The following GALNTL6 variants were observed in gnomAD, a reference collection of about 807,000 sequenced individuals.
GALNTL6 encodes the protein polypeptide N-acetylgalactosaminyltransferase-like 6.
GALNTL6 carries 46 observed loss-of-function variants against 73.7 expected under a neutral mutation model. The observed-to-expected ratio is 0.62, with a 90% confidence interval of 0.49 to 0.80. The LOEUF (loss-of-function observed/expected upper bound fraction) is 0.80. GALNTL6 is among the 30% of genes least tolerant of loss of function. GALNTL6 has a pLI of 0.00. For missense variants in GALNTL6, 604 were observed against 755.0 expected (o/e 0.80, Z 2.34); for synonymous variants, 259 against 263.7 (o/e 0.98, Z 0.17).
chr4:172,893,322 T>C (rs1208838933), intron 8 of GALNTL6, among the ~76,000 whole-genome samples: 2 of 149,882 alleles, frequency 1.3e-5, no homozygotes, highest in Non-Finnish European at 3.0e-5. Context: ...TGTGTATCAC[T>C]CTTCTAAGTG....
At chr4:172,328,668 C>T (rs1339482467) in intron 4 of GALNTL6, among the ~76,000 whole-genome samples, 1 of 152,104 alleles carries the variant, frequency 6.6e-6, no homozygotes, top group Admixed American at 6.6e-5. Flanking sequence ...CATTCCTCAG[C>T]CTGGTTTATT....
intron 3 of GALNTL6, among the ~76,000 whole-genome samples, chr4:172,293,551 T>C (rs1483291241): frequency 1.3e-5 from 2 of 152,086 alleles, no homozygotes; most frequent in Non-Finnish European, 2.9e-5. Flanking sequence ...CTAGAACTAA[T>C]GAGAATGAGC....
chr4:172,370,212 T>A (rs187912461), intron 5 of GALNTL6, among the ~76,000 whole-genome samples: 1 of 152,218 alleles, frequency 6.6e-6, no homozygotes, highest in East Asian at 1.9e-4. Context: ...AGTTGTTAGT[T>A]GGGCTCATTT....
intron 5 of GALNTL6, among the ~76,000 whole-genome samples, chr4:172,699,068 A>G (rs1733861678): frequency 6.6e-6 from 1 of 152,164 alleles, no homozygotes; most frequent in Admixed American, 6.6e-5. Flanking sequence ...TCTGGTTCAT[A>G]GAAAGAGCCT....
intron 5 of GALNTL6, among the ~76,000 whole-genome samples, chr4:172,495,116 G>A (rs1734027152): frequency 6.6e-6 from 1 of 152,180 alleles, no homozygotes; most frequent in South Asian, 2.1e-4. Flanking sequence ...AGCAATCAGA[G>A]TGGATGCCTG....
intron 5 of GALNTL6, among the ~76,000 whole-genome samples, chr4:172,556,474 A>T (rs2110914337): frequency 6.6e-6 from 1 of 152,254 alleles, no homozygotes; most frequent in East Asian, 1.9e-4. Flanking sequence ...CCAGTTAAAT[A>T]TCAATTTTGA....
At chr4:171,823,535 T>C (rs189850959) in intron 2 of GALNTL6, among the ~76,000 whole-genome samples, 1 of 150,700 alleles carries the variant, frequency 6.6e-6, no homozygotes, top group Admixed American at 6.7e-5. Flanking sequence ...TAAAAATTTC[T>C]GAAATAGTCT....
chr4:172,136,195 T>A (rs1288668674), intron 2 of GALNTL6, among the ~76,000 whole-genome samples: 1 of 152,138 alleles, frequency 6.6e-6, no homozygotes, highest in Non-Finnish European at 1.5e-5. Context: ...ATTATTGAAG[T>A]CAGTAGACTC....
intron 5 of GALNTL6, among the ~76,000 whole-genome samples, chr4:172,699,053 TG>T (rs1298075810): frequency 2.0e-5 from 3 of 152,146 alleles, no homozygotes; most frequent in Admixed American, 2.0e-4. Context: ...AGAGAAAGCC[TG>T]CTTTCTGGTT....
At chr4:172,081,395 T>C (rs1294985219) in intron 2 of GALNTL6, among the ~76,000 whole-genome samples, 1 of 152,206 alleles carries the variant, frequency 6.6e-6, no homozygotes, top group East Asian at 1.9e-4. Flanking sequence ...ATCCCAGCAC[T>C]TTGGGAGGCC....
At chr4:172,358,967 G>T (rs1368479090) in intron 5 of GALNTL6, among the ~76,000 whole-genome samples, 1 of 151,584 alleles carries the variant, frequency 6.6e-6, no homozygotes, top group South Asian at 2.1e-4. Context: ...GTGGAAAGCA[G>T]TGTGGCAATT....
At chr4:171,885,667 A>G (rs1412710920) in intron 2 of GALNTL6, among the ~76,000 whole-genome samples, 2 of 152,100 alleles carry the variant, frequency 1.3e-5, no homozygotes, top group Non-Finnish European at 2.9e-5. Flanking sequence ...TTAACCTAGC[A>G]CAGTGGCACA....
intron 5 of GALNTL6, among the ~76,000 whole-genome samples, chr4:172,641,237 G>C (rs1370840445): frequency 6.6e-6 from 1 of 152,074 alleles, no homozygotes; most frequent in African/African-American, 2.4e-5. Flanking sequence ...TCTCAAAACA[G>C]AACCCATAAG....
At chr4:172,165,944 C>A (rs1239815885) in intron 2 of GALNTL6, among the ~76,000 whole-genome samples, 1 of 151,886 alleles carries the variant, frequency 6.6e-6, no homozygotes, top group Non-Finnish European at 1.5e-5. Context: ...AAAAAAATAG[C>A]ATGTATACAA....
At chr4:172,774,042 T>C (rs1738928241) in intron 5 of GALNTL6, among the ~76,000 whole-genome samples, 1 of 152,196 alleles carries the variant, frequency 6.6e-6, no homozygotes, top group Non-Finnish European at 1.5e-5. Flanking sequence ...TGATGATTTA[T>C]TGTGAAAGTT....
chr4:172,684,622 G>A (rs1268637491), intron 5 of GALNTL6, among the ~76,000 whole-genome samples: 2 of 152,120 alleles, frequency 1.3e-5, no homozygotes, highest in African/African-American at 2.4e-5. Flanking sequence ...TACCTAAATT[G>A]GGGAGAATGC....
intron 2 of GALNTL6, among the ~76,000 whole-genome samples, chr4:171,968,743 C>A (rs1739464914): frequency 6.6e-6 from 1 of 152,042 alleles, no homozygotes; most frequent in African/African-American, 2.4e-5. Context: ...TCCTGTCTTG[C>A]CAGTGTCCTC....
intron 2 of GALNTL6, among the ~76,000 whole-genome samples, chr4:172,003,727 A>G (rs1343562450): frequency 6.6e-6 from 1 of 152,108 alleles, no homozygotes; most frequent in Non-Finnish European, 1.5e-5. Context: ...GTCTTGGTTA[A>G]TGTCCTCAGT....
intron 2 of GALNTL6, among the ~76,000 whole-genome samples, chr4:171,890,890 G>T (rs1460503526): frequency 6.6e-6 from 1 of 152,058 alleles, no homozygotes; most frequent in African/African-American, 2.4e-5. Flanking sequence ...CAGATTTCTT[G>T]TTTTGCTAAT....
Sources: allele counts gnomAD v4.1 joint callset (sites outside exome capture counted in the v4.1 genomes callset), GRCh38; gene constraint gnomAD v4.1.1; transcripts MANE v1.5; gene names NCBI Gene and HGNC (gene_info 2026-07-23, HGNC 2026-07-21).